The following EFCAB11 variants were observed in gnomAD, a reference collection of about 807,000 sequenced individuals.
EFCAB11 encodes the protein EF-hand calcium-binding domain-containing protein 11.
A neutral mutation model predicts 23.0 loss-of-function variants in EFCAB11; 14 were observed. The observed-to-expected ratio is 0.61, with a 90% confidence interval of 0.40 to 0.95. EFCAB11 has a LOEUF of 0.95. Among genes scored for constraint, EFCAB11 ranks in the 40% least tolerant of loss-of-function variants. The pLI, the probability that EFCAB11 is intolerant of heterozygous loss-of-function variation, is 0.00. For synonymous variants in EFCAB11, 65 were observed against 66.6 expected, an observed-to-expected ratio of 0.98 and a Z score of 0.11; for missense variants, 198 against 195.8, an observed-to-expected ratio of 1.01 and a Z score of -0.07.
intron 5 of EFCAB11, among the ~76,000 whole-genome samples, chr14:89,845,767 A>G (rs1566781955): frequency 6.6e-6 from 1 of 152,074 alleles, no homozygotes; most frequent in Non-Finnish European, 1.5e-5. Context: ...CTTTAGGGAG[A>G]AGCAGGCTGA....
intron 5 of EFCAB11, among the ~76,000 whole-genome samples, chr14:89,809,809 C>T (rs552309957): frequency 2.6e-5 from 4 of 152,132 alleles, no homozygotes; most frequent in Non-Finnish European, 2.9e-5. Flanking sequence ...CCGTCAATGG[C>T]GTCCCAATGA....
chr14:89,848,788 G>A (rs111848203), intron 5 of EFCAB11: 19,774 of 152,238 alleles, frequency 0.13, 1,707 homozygotes, highest in Non-Finnish European at 0.2. Flanking sequence ...TTATCCAGGC[G>A]TGGTGGCAAG....
chr14:89,846,080 C>G (rs1259066070), intron 5 of EFCAB11, among the ~76,000 whole-genome samples: 21 of 152,198 alleles, frequency 1.4e-4, no homozygotes, highest in African/African-American at 5.1e-4. Context: ...AAAATAGACA[C>G]AGAAAGTGCA....
intron 2 of EFCAB11, chr14:89,952,392 T>C (rs1363641343): frequency 1.0e-6 from 1 of 985,314 alleles, no homozygotes; most frequent in African/African-American, 1.7e-5. Context: ...AAGATACCTT[T>C]CCAGGTGAAT....
chr14:89,855,432 T>C (rs536673567), intron 5 of EFCAB11, among the ~76,000 whole-genome samples: 3 of 152,122 alleles, frequency 2.0e-5, no homozygotes, highest in African/African-American at 4.8e-5. Flanking sequence ...GCCATGATCG[T>C]GCCTCTGTAC....
At chr14:89,873,349 A>G (rs2140165789) in intron 5 of EFCAB11, among the ~76,000 whole-genome samples, 1 of 152,264 alleles carries the variant, frequency 6.6e-6, no homozygotes, top group Non-Finnish European at 1.5e-5. Flanking sequence ...ATATGAGGGG[A>G]TTATAGGAGC....
At chr14:89,831,557 T>C in intron 5 of EFCAB11, among the ~76,000 whole-genome samples, 1 of 152,214 alleles carries the variant, frequency 6.6e-6, no homozygotes. Flanking sequence ...TATCTCTATA[T>C]AGTCTATGTA....
chr14:89,889,811 T>C (rs1037017714), intron 5 of EFCAB11, among the ~76,000 whole-genome samples: 1 of 152,244 alleles, frequency 6.6e-6, no homozygotes, highest in Non-Finnish European at 1.5e-5. Flanking sequence ...GGTCACAGCT[T>C]ACTATTGGGG....
intron 5 of EFCAB11, among the ~76,000 whole-genome samples, chr14:89,887,280 A>C (rs1193709837): frequency 6.6e-6 from 1 of 152,188 alleles, no homozygotes; most frequent in Non-Finnish European, 1.5e-5. Context: ...TTTGGATAGG[A>C]AAGGCCTCTC....
chr14:89,854,116 C>A (rs1321807255), intron 5 of EFCAB11, among the ~76,000 whole-genome samples: 4 of 151,584 alleles, frequency 2.6e-5, no homozygotes, highest in African/African-American at 7.3e-5. Flanking sequence ...TGTTTCAACA[C>A]CCATATGGAA....
intron 5 of EFCAB11, among the ~76,000 whole-genome samples, chr14:89,864,793 A>T (rs1403506440): frequency 6.6e-6 from 1 of 152,108 alleles, no homozygotes; most frequent in Non-Finnish European, 1.5e-5. Flanking sequence ...AAATATCCCT[A>T]TGCGTCAGTG....
chr14:89,824,638 A>G (rs974797211), intron 5 of EFCAB11, among the ~76,000 whole-genome samples: 5 of 152,164 alleles, frequency 3.3e-5, no homozygotes, highest in Non-Finnish European at 5.9e-5. Flanking sequence ...GTCCTTAGGA[A>G]ATTCACTTTA....
chr14:89,912,275 A>C (rs563607231), intron 5 of EFCAB11, among the ~76,000 whole-genome samples: 144 of 152,262 alleles, frequency 9.5e-4, no homozygotes, highest in Non-Finnish European at 1.3e-3. Flanking sequence ...TTTAAAGAGA[A>C]AAAGGATCTC....
intron 5 of EFCAB11, among the ~76,000 whole-genome samples, chr14:89,822,507 C>T (rs1453426108): frequency 6.6e-6 from 1 of 152,214 alleles, no homozygotes; most frequent in Non-Finnish European, 1.5e-5. Context: ...ACCCTTGGCA[C>T]TCCACTGGTT....
intron 5 of EFCAB11, chr14:89,831,363 A>G (rs1886878947): frequency 6.6e-6 from 1 of 152,230 alleles, no homozygotes; most frequent in African/African-American, 2.4e-5. Flanking sequence ...TTTAGAGTAG[A>G]ATACTCGCAG....
intron 5 of EFCAB11, among the ~76,000 whole-genome samples, chr14:89,859,705 G>A (rs1423005074): frequency 6.6e-6 from 1 of 152,164 alleles, no homozygotes; most frequent in African/African-American, 2.4e-5. Context: ...CAGGTAGCCT[G>A]AGGTTAGGAG....
intron 5 of EFCAB11, among the ~76,000 whole-genome samples, chr14:89,928,642 T>C (rs1890269268): frequency 6.7e-6 from 1 of 150,052 alleles, no homozygotes; most frequent in Non-Finnish European, 1.5e-5. Flanking sequence ...CCATCTTTCC[T>C]GATATCTTGC....
chr14:89,927,167 G>C (rs562835003), intron 5 of EFCAB11, among the ~76,000 whole-genome samples: 1 of 152,240 alleles, frequency 6.6e-6, no homozygotes, highest in Non-Finnish European at 1.5e-5. Context: ...CTATGTCCAA[G>C]TCTCTTTCTT....
chr14:89,841,753 T>C (rs1018745444), intron 5 of EFCAB11, among the ~76,000 whole-genome samples: 26 of 152,086 alleles, frequency 1.7e-4, no homozygotes, highest in African/African-American at 3.4e-4. Context: ...TCTTTAATTA[T>C]CCCTTAGATG....
Sources: gnomAD v4.1 joint callset for allele counts (sites outside exome capture counted in the v4.1 genomes callset) on GRCh38, gnomAD v4.1.1 for gene constraint, MANE v1.5 for transcripts, NCBI Gene and HGNC (gene_info 2026-07-23, HGNC 2026-07-21) for gene names.